The following TTC28 variants were observed in gnomAD, a reference collection of about 807,000 sequenced individuals.
TTC28 encodes the protein tetratricopeptide repeat domain 28.
Under a neutral mutation model 198.0 loss-of-function variants are expected in TTC28, and 61 were observed. The observed-to-expected ratio is 0.31, with a 90% CI of 0.25 to 0.38. The LOEUF (loss-of-function observed/expected upper bound fraction) is 0.38. Ranked by LOEUF, TTC28 falls within the 10% of genes least tolerant of loss-of-function variation. TTC28 has a pLI of 1.00. For missense variants in TTC28, 2,678 were observed against 3,164.0 expected (o/e 0.85, Z 3.69); for synonymous variants, 1,171 against 1,297.8 (o/e 0.90, Z 2.10).
At chr22:28,341,787 C>T (rs1037385500) in intron 2 of TTC28, among the ~76,000 whole-genome samples, 4 of 151,670 alleles carry the variant, frequency 2.6e-5, no homozygotes, top group African/African-American at 9.7e-5. Flanking sequence ...GAATGTGACT[C>T]CATCTCAAAA....
intron 2 of TTC28, among the ~76,000 whole-genome samples, chr22:28,392,171 G>A (rs1029789546): frequency 2.0e-5 from 3 of 152,344 alleles, no homozygotes; most frequent in African/African-American, 4.8e-5. Flanking sequence ...AGGGGTCAGG[G>A]ACCCACTTGA....
At chr22:28,342,296 T>C (rs2045844236) in intron 2 of TTC28, among the ~76,000 whole-genome samples, 1 of 152,222 alleles carries the variant, frequency 6.6e-6, no homozygotes, top group Non-Finnish European at 1.5e-5. Context: ...GTTGCTTTCA[T>C]TAATCAAAAA....
chr22:28,124,811 A>T (rs1197994865), intron 6 of TTC28, among the ~76,000 whole-genome samples: 6 of 152,178 alleles, frequency 3.9e-5, no homozygotes, highest in Non-Finnish European at 2.9e-5. Flanking sequence ...CTGTCACTTC[A>T]TGCTCCTAGA....
intron 5 of TTC28, among the ~76,000 whole-genome samples, chr22:28,175,648 G>A (rs191482651): frequency 1.4e-4 from 22 of 152,194 alleles, no homozygotes; most frequent in Middle Eastern, 6.8e-3. Flanking sequence ...CAAGAGAATC[G>A]CTTAAGCCAG....
At chr22:28,551,599 C>A (rs1280005191) in intron 2 of TTC28, among the ~76,000 whole-genome samples, 5 of 152,104 alleles carry the variant, frequency 3.3e-5, no homozygotes, top group African/African-American at 1.2e-4. Context: ...ATGTGTTATA[C>A]CACATAAACA....
At chr22:28,624,768 GAAAC>G (rs779413581) in intron 2 of TTC28, among the ~76,000 whole-genome samples, 7 of 151,256 alleles carry the variant, frequency 4.6e-5, no homozygotes, top group Non-Finnish European at 7.4e-5. Context: ...ATACCAAAAC[GAAAC>G]AAATACATCA....
intron 2 of TTC28, among the ~76,000 whole-genome samples, chr22:28,498,405 G>T (rs2048487864): frequency 6.6e-6 from 1 of 152,156 alleles, no homozygotes; most frequent in South Asian, 2.1e-4. Context: ...TCTAAAATGT[G>T]TTCAAATGTA....
chr22:28,445,815 T>C (rs1033185069), intron 2 of TTC28, among the ~76,000 whole-genome samples: 2 of 151,876 alleles, frequency 1.3e-5, no homozygotes, highest in Admixed American at 1.3e-4. Context: ...CTACCCTACT[T>C]ACCCTGTTAC....
chr22:28,180,097 A>G (rs1190281999), intron 5 of TTC28, among the ~76,000 whole-genome samples: 1 of 152,194 alleles, frequency 6.6e-6, no homozygotes, highest in South Asian at 2.1e-4. Flanking sequence ...GGGAATCAAT[A>G]GCTACTCAAA....
At chr22:28,193,103 C>T (rs988333413) in intron 5 of TTC28, among the ~76,000 whole-genome samples, 1 of 152,194 alleles carries the variant, frequency 6.6e-6, no homozygotes, top group African/African-American at 2.4e-5. Flanking sequence ...GACAGAAACT[C>T]TACAAGCCAG....
In TTC28 at chr22:28,059,241, T is replaced by C. The variant is rs528946712; in HGVS notation, c.3933-28875A>G. Among the ~76,000 whole-genome samples, 11 of 152,172 alleles carry C rather than the reference T, an allele frequency of 7.2e-5. No homozygotes were observed. The South Asian group carries it at 2.3e-3, about 32-fold the overall frequency. On this transcript the variant is annotated intron_variant, in intron 12 of 22. Coordinates refer to ENST00000397906, the MANE Select transcript of TTC28 (RefSeq NM_001145418.2). ...TTTTTCTACTATGAACATTTAAAAC[T>C]ATAAATTTCCTTCTATCTATGCTTT...
In TTC28 at chr22:28,576,911, T is replaced by A. The variant is rs548111634; in HGVS notation, c.381+52641A>T. Among the ~76,000 whole-genome samples the A allele has an allele frequency of 2.1e-4, 32 of 151,928 alleles. No homozygotes were observed. In the East Asian group the frequency reaches 6.2e-3, roughly 29 times the overall value. On this transcript the variant is annotated intron_variant, in intron 2 of 22. Transcript: ENST00000397906. Reference sequence around the variant, plus strand: ...GCTAAAGGTTTGTCGATTTTATCTTTAAAAAAAACTTTTCATTTTGTTGAT... The same window carrying A: ...GCTAAAGGTTTGTCGATTTTATCTTAAAAAAAAACTTTTCATTTTGTTGAT...
intron 2 of TTC28, among the ~76,000 whole-genome samples, chr22:28,580,251 T>C (rs1218158294): frequency 6.6e-5 from 10 of 152,222 alleles, no homozygotes; most frequent in Admixed American, 3.9e-4. Context: ...TCTTATAATA[T>C]GATTCTTCAA....
chr22:28,135,479 A>C (rs1159876355), intron 6 of TTC28, among the ~76,000 whole-genome samples: 1 of 152,212 alleles, frequency 6.6e-6, no homozygotes, highest in African/African-American at 2.4e-5. Flanking sequence ...GAGTTTTAGA[A>C]GGCAAGTAAA....
intron 12 of TTC28, among the ~76,000 whole-genome samples, chr22:28,066,099 T>C (rs2146754926): frequency 6.6e-6 from 1 of 152,302 alleles, no homozygotes; most frequent in Middle Eastern, 3.4e-3. Flanking sequence ...GCCAGGGTTT[T>C]TTATTAAGAC....
chr22:28,536,541 G>A (rs983752262), intron 2 of TTC28, among the ~76,000 whole-genome samples: 1 of 151,922 alleles, frequency 6.6e-6, no homozygotes, highest in Non-Finnish European at 1.5e-5. Flanking sequence ...GGAGAATGGC[G>A]TGAACCCGGG....
intron 2 of TTC28, among the ~76,000 whole-genome samples, chr22:28,411,577 C>T (rs1256030686): frequency 6.6e-6 from 1 of 152,138 alleles, no homozygotes; most frequent in Non-Finnish European, 1.5e-5. Context: ...AGAACTACAT[C>T]CTTTCCAAAA....
chr22:28,568,604 A>C (rs1465393709), intron 2 of TTC28, among the ~76,000 whole-genome samples: 1 of 152,186 alleles, frequency 6.6e-6, no homozygotes, highest in Non-Finnish European at 1.5e-5. Flanking sequence ...ATGCAATCCC[A>C]TTCACAAAAT....
At chr22:28,129,175 G>A (rs1167632907) in intron 6 of TTC28, among the ~76,000 whole-genome samples, 2 of 152,162 alleles carry the variant, frequency 1.3e-5, no homozygotes, top group Non-Finnish European at 2.9e-5. Flanking sequence ...ATAAGTGAAG[G>A]GAGGCAGATG....
Sources: gnomAD v4.1 joint callset for allele counts (sites outside exome capture counted in the v4.1 genomes callset) on GRCh38, gnomAD v4.1.1 for gene constraint, MANE v1.5 for transcripts, NCBI Gene and HGNC (gene_info 2026-07-23, HGNC 2026-07-21) for gene names.